NCKAP5: variants seen among roughly 807,000 people sequenced by gnomAD.
NCKAP5 encodes NCK associated protein 5.
A neutral mutation model predicts 167.0 loss-of-function variants in NCKAP5; 92 were observed. That is an observed-to-expected ratio of 0.55 (90% CI 0.47 to 0.66). The LOEUF is 0.66. Among genes scored for constraint, NCKAP5 ranks in the 30% least tolerant of loss-of-function variants. NCKAP5 has a pLI of 0.00. For missense variants in NCKAP5, 2,378 were observed against 2,315.0 expected, an observed-to-expected ratio of 1.03 and a Z score of -0.56; for synonymous variants, 891 against 877.4, an observed-to-expected ratio of 1.02 and a Z score of -0.27.
intron 3 of NCKAP5, among the ~76,000 whole-genome samples, chr2:133,479,792 G>A (rs4954053): frequency 6.0e-4 from 92 of 152,242 alleles, no homozygotes; most frequent in African/African-American, 1.5e-3. Flanking sequence ...CAGAATAATC[G>A]AAATTTATGC....
At chr2:133,477,813 A>T (rs1680064859) in intron 3 of NCKAP5, among the ~76,000 whole-genome samples, 1 of 152,154 alleles carries the variant, frequency 6.6e-6, no homozygotes, top group South Asian at 2.1e-4. Flanking sequence ...GACCTGCTGG[A>T]TGAAGGGATG....
chr2:132,792,561 A>T (rs1298657305), intron 12 of NCKAP5, among the ~76,000 whole-genome samples: 10 of 152,172 alleles, frequency 6.6e-5, no homozygotes, highest in Non-Finnish European at 1.0e-4. Context: ...TGTTGTTTAA[A>T]TACGCAGTGT....
At chr2:133,054,885 C>T (rs1184291362) in intron 6 of NCKAP5, among the ~76,000 whole-genome samples, 1 of 152,150 alleles carries the variant, frequency 6.6e-6, no homozygotes, top group Non-Finnish European at 1.5e-5. Context: ...CAGGTAGGCA[C>T]TATTGCTCCA....
chr2:132,929,521 C>T (rs1558954064), intron 8 of NCKAP5, among the ~76,000 whole-genome samples: 2 of 152,064 alleles, frequency 1.3e-5, no homozygotes, highest in African/African-American at 4.8e-5. Context: ...TTTGGGAGTA[C>T]AATTTAAGAA....
intron 19 of NCKAP5, among the ~76,000 whole-genome samples, chr2:132,692,108 GATTTT>G (rs5834326): frequency 0.024 from 3,306 of 136,644 alleles, 94 homozygotes; most frequent in African/African-American, 0.062. Flanking sequence ...AAGCCTGCTT[GATTTT>G]ATTTTATTTT....
At chr2:133,437,081 C>T (rs185971293) in intron 3 of NCKAP5, among the ~76,000 whole-genome samples, 7 of 152,174 alleles carry the variant, frequency 4.6e-5, no homozygotes, top group African/African-American at 1.7e-4. Flanking sequence ...GTGCTGGGCA[C>T]GGTGACTCAC....
intron 17 of NCKAP5, among the ~76,000 whole-genome samples, chr2:132,729,821 A>T (rs1690813455): frequency 6.6e-6 from 1 of 152,138 alleles, no homozygotes; most frequent in Admixed American, 6.5e-5. Context: ...TCTCCAGAGC[A>T]TTTTGTTTGT....
intron 6 of NCKAP5, among the ~76,000 whole-genome samples, chr2:133,052,717 A>G (rs1559090291): frequency 1.3e-5 from 2 of 149,562 alleles, no homozygotes; most frequent in East Asian, 3.9e-4. Flanking sequence ...AAACTCTGTC[A>G]CAAAAAAAAA....
chr2:132,900,876 C>T (rs376244679), intron 8 of NCKAP5, among the ~76,000 whole-genome samples: 10 of 148,038 alleles, frequency 6.8e-5, no homozygotes, highest in East Asian at 2.1e-4. Context: ...AGGAGAATCG[C>T]GTGAACCCAG....
At chr2:133,404,386 G>A (rs1051368001) in intron 3 of NCKAP5, among the ~76,000 whole-genome samples, 3 of 152,122 alleles carry the variant, frequency 2.0e-5, no homozygotes, top group Non-Finnish European at 2.9e-5. Context: ...AGACAGTACC[G>A]AGCCCTATAT....
chr2:133,420,060 C>G (rs958774827), intron 3 of NCKAP5, among the ~76,000 whole-genome samples: 22 of 152,208 alleles, frequency 1.4e-4, no homozygotes, highest in Admixed American at 4.6e-4. Context: ...CCCTCATACT[C>G]TCTACTGTGT....
At chr2:133,356,661 T>C (rs568003520) in intron 3 of NCKAP5, among the ~76,000 whole-genome samples, 3 of 152,310 alleles carry the variant, frequency 2.0e-5, no homozygotes, top group African/African-American at 7.2e-5. Flanking sequence ...GGGAAGTTCA[T>C]TGCTTTTGTT....
intron 6 of NCKAP5, among the ~76,000 whole-genome samples, chr2:133,014,814 G>A (rs190930098): frequency 1.3e-5 from 2 of 152,248 alleles, no homozygotes; most frequent in East Asian, 1.9e-4. Flanking sequence ...GATGATAAAC[G>A]TTCCCATGTA....
intron 11 of NCKAP5, among the ~76,000 whole-genome samples, chr2:132,845,725 T>G (rs753974596): frequency 1.4e-4 from 22 of 152,202 alleles, no homozygotes; most frequent in Non-Finnish European, 2.9e-5. Context: ...CATACTTCTG[T>G]GTAGTTCTTT....
rs372830741 is a variant in NCKAP5, at chr2:133,213,759, C to T, written c.164G>A (p.Arg55Gln). Residue 55 changes from arginine to glutamine, a missense_variant, in exon 5 of 20, where the codon CGA becomes CAA. Arg to Gln is a conservative substitution (Grantham distance 43). Around this residue, in one of 3 missense-constraint regions of NCKAP5, gnomAD observed 1,049 missense variants for 1,023.4 expected, o/e 1.02. Transcript: ENST00000409261. ...TCTTTGGGCAACTTCTCGCTGTAGT[C>T]GGGCCACTGCCAACTTCTCCCTGAA... ...SLWREKLAVARLQREVAQRTS... is the reference protein window; with the variant it reads ...SLWREKLAVAQLQREVAQRTS... 25 of 1,613,718 alleles carry T rather than the reference C, an allele frequency of 1.5e-5. No homozygotes were observed. The highest frequency in any genetic ancestry group is 5.3e-5 in the African/African-American group (4 of 75,004).
intron 3 of NCKAP5, among the ~76,000 whole-genome samples, chr2:133,383,535 G>A (rs945100774): frequency 5.3e-5 from 8 of 152,326 alleles, no homozygotes; most frequent in South Asian, 2.1e-4. Context: ...ACGTGTGCAT[G>A]TGTCTTTCTA....
At chr2:133,563,003 T>C (rs1688275877) in intron 1 of NCKAP5, among the ~76,000 whole-genome samples, 1 of 152,200 alleles carries the variant, frequency 6.6e-6, no homozygotes, top group Non-Finnish European at 1.5e-5. Flanking sequence ...AAGAAGGCTA[T>C]AAGGTACTTT....
the NCKAP5 span, among the ~76,000 whole-genome samples, chr2:133,597,051 C>T: frequency 3.3e-5 from 5 of 152,330 alleles, no homozygotes; most frequent in East Asian, 7.7e-4. Context: ...ACAAAAATTG[C>T]AGCTTGAAAT....
At chr2:133,673,336 A>C in the NCKAP5 span, among the ~76,000 whole-genome samples, 1 of 152,348 alleles carries the variant, frequency 6.6e-6, no homozygotes, top group South Asian at 2.1e-4. Context: ...TTGGACAGGC[A>C]GCACACCACA....
Sources: allele counts gnomAD v4.1 joint callset (sites outside exome capture counted in the v4.1 genomes callset), GRCh38; gene constraint gnomAD v4.1.1; regional missense constraint gnomAD v4.1.1; transcripts MANE v1.5; gene names NCBI Gene and HGNC (gene_info 2026-07-23, HGNC 2026-07-21).